Variants in CAPN12 observed in about 807,000 individuals in gnomAD.
CAPN12 encodes the protein calpain-12.
In CAPN12, 107 loss-of-function variants were observed where a neutral mutation model predicts 95.0. That is an observed-to-expected ratio of 1.13 (90% CI 0.96 to 1.32). The LOEUF is 1.32. Among genes scored for constraint, CAPN12 ranks in the 40% most tolerant of loss-of-function variants. The probability of loss-of-function intolerance (pLI) is 0.00; values close to 1 mark genes in which losing one functional copy is unlikely to be tolerated. For synonymous variants in CAPN12, 505 were observed against 415.5 expected (o/e 1.22, Z -2.62); for missense variants, 1,136 against 997.8 (o/e 1.14, Z -1.87).
At chr19:38,736,425 C>CCTGCCCCCGGACCCGGCT (rs1970155610) in intron 11 of CAPN12, 107 bp from the exon 12 acceptor site, 22 of 1,522,028 alleles carry the variant, frequency 1.4e-5, no homozygotes, top group Non-Finnish European at 1.9e-5. Flanking sequence ...CCACGCCTCC[C>CCTGCCCCCGGACCCGGCT]CTGCCCCCGG....
intron 17 of CAPN12, 119 bp from the exon 18 acceptor site, chr19:38,733,900 C>T: frequency 1.1e-6 from 1 of 902,178 alleles, no homozygotes; most frequent in South Asian, 1.6e-5. Context: ...GTGTGGACCC[C>T]CAGCAAGCAG....
At chr19:38,743,862 C>T (rs1359624714) in intron 1 of CAPN12, 67 bp downstream of exon 1, 3 of 1,494,704 alleles carry the variant, frequency 2.0e-6, no homozygotes, top group South Asian at 2.3e-5. Context: ...TTCCTCAGAC[C>T]CAGGAGTCCA....
At chr19:38,743,169 G>C in intron 1 of CAPN12, 67 bp from the exon 2 acceptor site, 2 of 1,583,746 alleles carry the variant, frequency 1.3e-6, no homozygotes, top group Non-Finnish European at 1.7e-6. Flanking sequence ...CCAGAGGAGT[G>C]AGGGCCTCCA....
intron 18 of CAPN12, among the ~76,000 whole-genome samples, chr19:38,732,253 C>T (rs1020524811): frequency 3.1e-4 from 47 of 152,260 alleles, no homozygotes; most frequent in Non-Finnish European, 5.3e-4. Context: ...CTATCTCCGG[C>T]CCAGCCTCTC....
At chr19:38,740,979 G>A (rs1341550756) in intron 4 of CAPN12, among the ~76,000 whole-genome samples, 1 of 152,052 alleles carries the variant, frequency 6.6e-6, no homozygotes, top group African/African-American at 2.4e-5. Context: ...ACCTCTGGTA[G>A]ATGTCCGCTT....
intron 18 of CAPN12, among the ~76,000 whole-genome samples, chr19:38,731,847 C>A (rs988843973): frequency 2.0e-5 from 3 of 152,242 alleles, no homozygotes; most frequent in Non-Finnish European, 4.4e-5. Context: ...TCACAAATAT[C>A]TACCAAGTAA....
At position 38,731,028 on chromosome 19, in the gene CAPN12, G is replaced by A. The variant is rs1242947619; in HGVS notation, c.2075-5C>T. The A allele has an allele frequency of 5.1e-6, 8 of 1,555,056 alleles. No homozygotes were observed. The highest frequency in any genetic ancestry group is 1.7e-4 in the Middle Eastern group (1 of 5,944). ...CCAGGTGCTGGCTGCAGTGGCCTGT[G>A]CAGAGAGGGGCAGGGTGAGTGCCCA... On this transcript the variant is annotated splice_region_variant and splice_polypyrimidine_tract_variant and intron_variant, in intron 19 of 20. Coordinates refer to ENST00000328867, the MANE Select transcript of CAPN12 (RefSeq NM_144691.4).
At chr19:38,742,375 G>T (rs770189443) in intron 3 of CAPN12, 35 bp downstream of exon 3, 22 of 1,429,574 alleles carry the variant, frequency 1.5e-5, no homozygotes, top group Non-Finnish European at 2.1e-5. Context: ...CACCATGGGG[G>T]AAACGGAGGC....
At chr19:38,738,024 C>T (rs1970319891) in intron 8 of CAPN12, among the ~76,000 whole-genome samples, 1 of 152,172 alleles carries the variant, frequency 6.6e-6, no homozygotes, top group Admixed American at 6.6e-5. Context: ...CCCTTTCAAT[C>T]CTCCACAGAT....
Position 38,743,496 on chromosome 19 carries a change from GACCCAAGAATCCAGGTCCCCA to G in CAPN12, c.237+412_238-395del, listed in dbSNP as rs1205159769. Reference sequence around the variant, plus strand: ...CAGGTCCCGAGCCCCTCCTCCCTCAGACCCAAGAATCCAGGTCCCCAGCCCCTCCTCCCTCAGACCCAGGAG... The same window carrying G: ...CAGGTCCCGAGCCCCTCCTCCCTCAGGCCCCTCCTCCCTCAGACCCAGGAG... On this transcript the variant is annotated intron_variant, in intron 1 of 20. Coordinates refer to ENST00000328867, the MANE Select transcript of CAPN12 (RefSeq NM_144691.4). Among the ~76,000 whole-genome samples, 24 of 102,424 alleles carry G rather than the reference GACCCAAGAATCCAGGTCCCCA, an allele frequency of 2.3e-4. 1 individual carries two copies. Among genetic ancestry groups the G allele is most frequent in the South Asian group, 6.8e-4 (2 of 2,948 alleles). The allele number at this position is 102,424 out of a possible 152,430, so 67.2% of individuals were successfully genotyped here.
Position 38,736,374 on chromosome 19 carries a change from G to A in CAPN12, c.1375-56C>T, listed in dbSNP as rs950897589. 18 of 1,470,714 alleles carry A rather than the reference G, an allele frequency of 1.2e-5. No homozygotes were observed. The East Asian group carries it at 1.3e-4, about 11-fold the overall frequency. 91.1% of individuals were successfully genotyped at this position (1,470,714 alleles called of 1,614,324 possible). On this transcript the variant is annotated intron_variant, in intron 11 of 20. Transcript: ENST00000328867. ...GGCTCACCCCCGGCCCTTCATCCCC[G>A]CACCCTCCAGCGCGCCCCGTCCACC...
At chr19:38,732,714 TCTCCGA>T (rs1481716868) in intron 18 of CAPN12, among the ~76,000 whole-genome samples, 2 of 152,150 alleles carry the variant, frequency 1.3e-5, no homozygotes, top group Non-Finnish European at 2.9e-5. Flanking sequence ...TCCCTCTGGC[TCTCCGA>T]CTCCATCACA....
At position 38,737,302 on chromosome 19, in the gene CAPN12, C is replaced by T. The variant is rs748341077; in HGVS notation, c.1216G>A (p.Gly406Ser). ...CCCCGTGCCCCTGCAGCCCCCCAGC[C>T]CCCCCAGGGCCCTTCCTCATCCTCG... ...DDEDEEGPWG[G>S]WGAAGARGPA... The change falls in exon 10 of 21, where the codon GGC becomes AGC. Residue 406 changes from glycine (G) to serine (S), a missense_variant. Coordinates refer to ENST00000328867, the MANE Select transcript of CAPN12 (RefSeq NM_144691.4). 5 of 1,557,134 alleles carry T rather than the reference C, an allele frequency of 3.2e-6. No homozygotes were observed. The highest frequency in any genetic ancestry group is 2.4e-5 in the East Asian group (1 of 41,608).
At position 38,740,193 on chromosome 19, in the gene CAPN12, C is replaced by G; in HGVS notation, c.587G>C (p.Arg196Pro). 6.2e-7 allele frequency: 1 copy of G among 1,610,436 alleles called. No individual in the cohort carries two copies. The highest frequency in any genetic ancestry group is 8.5e-7 in the Non-Finnish European group (1 of 1,178,360). Residue 196 changes from arginine (R) to proline (P), a missense_variant, in exon 5 of 21, where the codon CGG becomes CCG. By Grantham distance (103) the Arg-to-Pro change is moderately radical. Coordinates refer to ENST00000328867, the MANE Select transcript of CAPN12 (RefSeq NM_144691.4). The part of the protein sequence containing the change: ...AKLHGSYEVM[R>P]GGHMNEAFVD... Reference sequence around the variant, plus strand: ...AAAAGCCTCATTCATGTGGCCGCCCCGCATCACCTCATAGGAGCCGTGGAG... The same window carrying G: ...AAAAGCCTCATTCATGTGGCCGCCCGGCATCACCTCATAGGAGCCGTGGAG...
In CAPN12 at chr19:38,736,207, G is replaced by A. The variant is rs2145196660; in HGVS notation, c.1486C>T (p.Arg496Cys). ...GGCACCACCAGGTAGTGGCCTGGACGCAGGCAGCAGCGGCGGGTCACGTCG... is the reference window on the plus strand; with the variant it reads ...GGCACCACCAGGTAGTGGCCTGGACACAGGCAGCAGCGGCGGGTCACGTCG... ...RRDVTRRCCL[R>C]PGHYLVVPST... Residue 496 changes from arginine (R) to cysteine (C), a missense_variant, in exon 12 of 21, where the codon CGT (arginine) becomes TGT (cysteine). Transcript: ENST00000328867. 2.0e-6 allele frequency: 3 copies of A among 1,506,258 alleles called. No individual in the cohort carries two copies. Among genetic ancestry groups the A allele is most frequent in the Non-Finnish European group, 2.6e-6 (3 of 1,132,278 alleles). The allele number at this position is 1,506,258 out of a possible 1,614,324, so 93.3% of individuals were successfully genotyped here. A position where few individuals can be genotyped will look rare whatever the true frequency, so the allele number is the denominator to read the frequency against.
chr19:38,735,477 C>T, intron 13 of CAPN12, 25 bp downstream of exon 13: 1 of 1,610,626 alleles, frequency 6.2e-7, no homozygotes. Context: ...CCGCCCCATG[C>T]CGCCCCTCCA....
In CAPN12 at chr19:38,743,937, T is replaced by C; in HGVS notation, c.229A>G (p.Arg77Gly). ...SEKAKGVKWM[R>G]PHEFCAEPKF... ...CCCCAGCCACACTTTACATGGGGCC[T>C]CATCCATTTCACGCCTTTGGCCTTC... Residue 77 changes from arginine (R) to glycine (G), a missense_variant, in exon 1 of 21, where the codon AGG becomes GGG. Coordinates refer to ENST00000328867, the MANE Select transcript of CAPN12 (RefSeq NM_144691.4). The C allele has an allele frequency of 1.2e-6, 2 of 1,614,022 alleles. No individual in the cohort carries two copies. The highest frequency in any genetic ancestry group is 1.7e-6 in the Non-Finnish European group (2 of 1,179,922).
chr19:38,737,432 G>A (rs1280068552), intron 9 of CAPN12, 43 bp downstream of exon 9: 56 of 1,609,994 alleles, frequency 3.5e-5, no homozygotes, highest in Non-Finnish European at 4.6e-5. Context: ...CGGCCACAGC[G>A]CCCCCCACCC....
Position 38,734,425 on chromosome 19 carries a change from T to C in CAPN12, c.1745-36A>G, listed in dbSNP as rs758565252. On this transcript the variant is annotated intron_variant, in intron 15 of 20. Transcript: ENST00000328867. ...AACAAAGTCAAACCACAGCACTTCC[T>C]GCATTCTGGCCACCACTTTAAGGGC... The C allele has an allele frequency of 2.6e-6, 4 of 1,537,934 alleles. No individual in the cohort carries two copies. In the South Asian group the frequency reaches 5.0e-5, roughly 19 times the overall value.
Sources: gnomAD v4.1 joint callset for allele counts (sites outside exome capture counted in the v4.1 genomes callset) on GRCh38, gnomAD v4.1.1 for gene constraint, MANE v1.5 for transcripts, NCBI Gene and HGNC (gene_info 2026-07-23, HGNC 2026-07-21) for gene names.